The following PAH variants were observed in gnomAD, a reference collection of about 807,000 sequenced individuals.
The protein encoded by PAH is phenylalanine hydroxylase, also known as phenylalanine-4-hydroxylase.
Under a neutral mutation model 62.0 loss-of-function variants are expected in PAH, and 64 were observed. The ratio of observed to expected loss-of-function variants is 1.03; its 90% CI spans 0.84 to 1.27. PAH has a LOEUF of 1.27. PAH is among the 50% of genes most tolerant of loss of function. PAH has a pLI of 0.00. For missense variants in PAH, 579 were observed against 542.8 expected, an observed-to-expected ratio of 1.07 and a Z score of -0.66; for synonymous variants, 195 against 196.2, an observed-to-expected ratio of 0.99 and a Z score of 0.05.
chr12:102,942,300 G>A (rs1215522761), intron 1 of PAH, among the ~76,000 whole-genome samples: 1 of 152,056 alleles, frequency 6.6e-6, no homozygotes, highest in East Asian at 1.9e-4. Flanking sequence ...GTCAAATTAA[G>A]AACACAATCA....
intron 1 of PAH, among the ~76,000 whole-genome samples, chr12:102,956,623 C>T (rs921252161): frequency 6.6e-6 from 1 of 152,196 alleles, no homozygotes; most frequent in African/African-American, 2.4e-5. Flanking sequence ...ACTCAACCCC[C>T]GCCCCGCATC....
At chr12:102,927,240 A>G (rs1441247035) in intron 1 of PAH, among the ~76,000 whole-genome samples, 5 of 151,964 alleles carry the variant, frequency 3.3e-5, no homozygotes, top group Non-Finnish European at 5.9e-5. Flanking sequence ...GTAAGGATCA[A>G]CACTCACCAG....
rs1875154556 is a variant in PAH, at chr12:102,851,690, G to A, written c.909C>T (p.Ser303=). 1.2e-6 allele frequency: 2 copies of A among 1,613,432 alleles called. No individual in the cohort carries two copies. Among genetic ancestry groups the A allele is most frequent in the South Asian group, 1.1e-5 (1 of 91,064 alleles). Residue 303 remains serine, a synonymous_variant, in exon 8 of 13, where the codon TCC becomes TCT. Transcript: ENST00000553106. ...GGCTAAAAAATCCATTCCTTACCTG[G>A]GAAAACTGGGCAAAGCTGCGATCTG... ...LFSDRSFAQF[S]QEIGLASLGA...
intron 4 of PAH, among the ~76,000 whole-genome samples, chr12:102,876,059 GA>G (rs1876553034): frequency 6.6e-6 from 1 of 151,506 alleles, no homozygotes; most frequent in African/African-American, 2.4e-5. Flanking sequence ...TTTCTGTTTG[GA>G]AGTCTGGGAG....
In PAH at chr12:102,849,328, A is replaced by G. The variant is rs555510160; in HGVS notation, c.912+2359T>C. Among the ~76,000 whole-genome samples, 5 of 152,302 alleles carry G rather than the reference A, an allele frequency of 3.3e-5. 1 individual carries two copies. The South Asian group carries it at 1.0e-3, about 32-fold the overall frequency. On this transcript the variant is annotated intron_variant, in intron 8 of 12. Coordinates refer to ENST00000553106, the MANE Select transcript of PAH (RefSeq NM_000277.3). ...GTTTGAGAAGGAAGATCCAGAACTC[A>G]GTTTTGGATAGGATGTTAGAGATGT...
chr12:102,851,024 C>A (rs1476890226), intron 8 of PAH, among the ~76,000 whole-genome samples: 1 of 149,700 alleles, frequency 6.7e-6, no homozygotes, highest in Non-Finnish European at 1.5e-5. Flanking sequence ...TCTGAGGCTG[C>A]AGTGAACCGT....
intron 5 of PAH, among the ~76,000 whole-genome samples, chr12:102,860,428 T>C (rs1264759359): frequency 2.6e-5 from 4 of 152,176 alleles, no homozygotes; most frequent in African/African-American, 4.8e-5. Flanking sequence ...TTTATAGATT[T>C]AATGCTATCC....
intron 4 of PAH, among the ~76,000 whole-genome samples, chr12:102,868,671 A>T (rs573425632): frequency 9.2e-4 from 140 of 152,272 alleles, no homozygotes; most frequent in Non-Finnish European, 1.2e-3. Context: ...GTTAAAAAAA[A>T]AAAATAAAAC....
chr12:102,851,885 G>T (rs1875169655), intron 7 of PAH, 129 bp from the exon 8 acceptor site: 1 of 720,038 alleles, frequency 1.4e-6, no homozygotes, highest in Admixed American at 2.1e-5. Context: ...CCCTCTCCCA[G>T]GAATAAGTGA....
Position 102,839,106 on chromosome 12 carries a change from C to G in PAH, c.*69G>C. 6.8e-7 allele frequency: 1 copy of G among 1,471,470 alleles called. No homozygotes were observed. Among genetic ancestry groups the G allele is most frequent in the South Asian group, 1.1e-5 (1 of 87,958 alleles). 91.2% of individuals were successfully genotyped at this position (1,471,470 alleles called of 1,614,324 possible). On this transcript the variant is annotated 3_prime_UTR_variant, in exon 13 of 13. Transcript: ENST00000553106. ...TTAAGGTTTGCTTTTCGGACTTTTT[C>G]TGATGAAAGAAATAGTTGGATCTCC... is the stretch of plus-strand genomic sequence containing the variant.
chr12:102,845,245 G>A (rs200004014), intron 9 of PAH, among the ~76,000 whole-genome samples: 2 of 152,144 alleles, frequency 1.3e-5, no homozygotes, highest in Admixed American at 1.3e-4. Context: ...AAAATATCAG[G>A]AGGTACTAAG....
intron 1 of PAH, chr12:102,958,113 G>A: frequency 1.6e-6 from 1 of 608,932 alleles, no homozygotes; most frequent in Non-Finnish European, 2.5e-6. Flanking sequence ...TTCCGTCAGG[G>A]CTCCCGCTTC....
chr12:102,917,768 T>G (rs1878446646), upstream of PAH, among the ~76,000 whole-genome samples: 1 of 152,216 alleles, frequency 6.6e-6, no homozygotes, highest in Non-Finnish European at 1.5e-5. Context: ...GATCTGGGTT[T>G]AAATCCAGCC....
rs143902243 is a variant in PAH, at chr12:102,875,610, G to A, written c.441+1852C>T. Among the ~76,000 whole-genome samples, 343 of 152,280 alleles carry A rather than the reference G, an allele frequency of 2.3e-3. 2 individuals carry two copies. Among genetic ancestry groups the A allele is most frequent in the African/African-American group, 7.6e-3 (316 of 41,566 alleles). On this transcript the variant is annotated intron_variant, in intron 4 of 12. Coordinates refer to ENST00000553106, the MANE Select transcript of PAH (RefSeq NM_000277.3). ...CCTGGAGCAACCTTGGCGCCCCAGG[G>A]CTCCTGGGAGTAGGCTACATGGTAT...
rs62508635 is a variant in PAH, at chr12:102,839,233, A to G, written c.1316-15T>C. The stretch of plus-strand genomic sequence containing the variant: ...TCCAATTTCACCTACAAAGAAAAAC[A>G]CCATCAAAATGGGCCACTTGTATAA... On this transcript the variant is annotated splice_polypyrimidine_tract_variant and intron_variant, in intron 12 of 12. Transcript: ENST00000553106. 1 of 1,613,552 alleles carries G rather than the reference A, an allele frequency of 6.2e-7. No individual in the cohort carries two copies. The highest frequency in any genetic ancestry group is 8.5e-7 in the Non-Finnish European group (1 of 1,179,540).
chr12:102,952,446 G>T (rs981244249), upstream of PAH, among the ~76,000 whole-genome samples: 1 of 152,104 alleles, frequency 6.6e-6, no homozygotes, highest in African/African-American at 2.4e-5. Flanking sequence ...AAAGCCATGT[G>T]CCTAGACAGA....
intron 1 of PAH, among the ~76,000 whole-genome samples, chr12:102,937,505 G>A (rs898408082): frequency 3.9e-5 from 6 of 152,100 alleles, no homozygotes; most frequent in East Asian, 1.9e-4. Context: ...ACAACTTAAC[G>A]CTGATTGCAT....
intron 3 of PAH, chr12:102,886,197 G>A (rs1877035001): frequency 6.6e-6 from 1 of 152,190 alleles, no homozygotes; most frequent in Admixed American, 6.5e-5. Context: ...GACAGCAGTG[G>A]TCAGAAGTCA....
chr12:102,838,875 C>A lies in PAH; in HGVS notation c.*300G>T. On this transcript the variant is annotated 3_prime_UTR_variant, in exon 13 of 13. Transcript: ENST00000553106. ...TATGAAGCTTGAATGAAGCAGGTCCCAAATTTTAATTAATCTTGATGAAAT... is the reference window on the plus strand; with the variant it reads ...TATGAAGCTTGAATGAAGCAGGTCCAAAATTTTAATTAATCTTGATGAAAT... The A allele has an allele frequency of 2.3e-6, 1 of 438,668 alleles. No individual in the cohort carries two copies. The allele number at this position is 438,668 out of a possible 1,614,324, so 27.2% of individuals were successfully genotyped here. A position where few individuals can be genotyped will look rare whatever the true frequency, so the allele number is the denominator to read the frequency against.
Sources: allele counts gnomAD v4.1 joint callset (sites outside exome capture counted in the v4.1 genomes callset), GRCh38; gene constraint gnomAD v4.1.1; transcripts MANE v1.5; gene names NCBI Gene and HGNC (gene_info 2026-07-23, HGNC 2026-07-21).